The following CCDC148 variants were observed in gnomAD, a reference collection of about 807,000 sequenced individuals.
CCDC148 encodes the protein coiled-coil domain-containing protein 148.
A neutral mutation model predicts 85.7 loss-of-function variants in CCDC148; 89 were observed. That is an observed-to-expected ratio of 1.04 (90% CI 0.87 to 1.24). CCDC148 has a LOEUF of 1.24. Among genes scored for constraint, CCDC148 ranks in the 50% most tolerant of loss-of-function variants. The pLI is 0.00. For missense variants in CCDC148, 692 were observed against 671.7 expected (o/e 1.03, Z -0.33); for synonymous variants, 230 against 213.9 (o/e 1.08, Z -0.66).
chr2:158,331,021 T>C (rs1198173238), intron 7 of CCDC148, among the ~76,000 whole-genome samples: 4 of 152,222 alleles, frequency 2.6e-5, no homozygotes, highest in Non-Finnish European at 4.4e-5. Context: ...AGTTCTGCTC[T>C]GATTTTCGTT....
intron 11 of CCDC148, among the ~76,000 whole-genome samples, chr2:158,204,195 G>A (rs1161963850): frequency 6.6e-6 from 1 of 152,168 alleles, no homozygotes; most frequent in Non-Finnish European, 1.5e-5. Flanking sequence ...GAGTTTACTG[G>A]AGAAGATAAA....
chr2:158,342,964 C>T (rs1388903367), intron 3 of CCDC148, among the ~76,000 whole-genome samples: 1 of 152,116 alleles, frequency 6.6e-6, no homozygotes, highest in Non-Finnish European at 1.5e-5. Flanking sequence ...GTCTAGTTTT[C>T]TTAGTACAGA....
At chr2:158,315,530 G>C (rs1225909548) in intron 7 of CCDC148, among the ~76,000 whole-genome samples, 5 of 152,014 alleles carry the variant, frequency 3.3e-5, no homozygotes, top group Non-Finnish European at 7.4e-5. Flanking sequence ...TATAAATGTG[G>C]ATGTATGGGT....
intron 2 of CCDC148, among the ~76,000 whole-genome samples, chr2:158,357,331 C>T (rs984465671): frequency 1.3e-5 from 2 of 151,438 alleles, no homozygotes; most frequent in African/African-American, 4.9e-5. Flanking sequence ...ACTATTGTAT[C>T]TTCAAGGCAA....
chr2:158,315,636 G>T (rs1692243603), intron 7 of CCDC148, among the ~76,000 whole-genome samples: 1 of 151,798 alleles, frequency 6.6e-6, no homozygotes, highest in Non-Finnish European at 1.5e-5. Flanking sequence ...GGATACTGTT[G>T]GTACCACACC....
At chr2:158,269,652 T>C (rs946933338) in intron 9 of CCDC148, among the ~76,000 whole-genome samples, 1 of 152,190 alleles carries the variant, frequency 6.6e-6, no homozygotes, top group Non-Finnish European at 1.5e-5. Context: ...ACATTCTCTG[T>C]GGCTCCTCAC....
At chr2:158,365,500 T>C (rs1196912412) in intron 1 of CCDC148, among the ~76,000 whole-genome samples, 1 of 152,172 alleles carries the variant, frequency 6.6e-6, no homozygotes, top group African/African-American at 2.4e-5. Flanking sequence ...GTTCATGTCC[T>C]TTGCAGGGAC....
At position 158,340,651 on chromosome 2, in the gene CCDC148, A is replaced by G. The variant is rs781465006; in HGVS notation, c.281T>C (p.Leu94Pro). The change falls in exon 4 of 14, where the codon CTT becomes CCT. Residue 94 changes from leucine to proline, a missense_variant. Leu to Pro is a moderately conservative substitution (Grantham distance 98, BLOSUM62 -3). Transcript: ENST00000283233. Reference protein sequence around the residue: ...RCKMESEIKSLLNEENIGNEC... With the variant: ...RCKMESEIKSPLNEENIGNEC... ...ATTTCCAATGTTCTCTTCATTGAGA[A>G]GGGATTTTATTTCAGATTCCATTTT... 6.3e-7 allele frequency: 1 copy of G among 1,586,596 alleles called. No individual in the cohort carries two copies. Among genetic ancestry groups the G allele is most frequent in the Non-Finnish European group, 8.6e-7 (1 of 1,162,580 alleles).
chr2:158,297,301 A>G (rs1485942257), intron 9 of CCDC148, among the ~76,000 whole-genome samples: 1 of 152,140 alleles, frequency 6.6e-6, no homozygotes, highest in Non-Finnish European at 1.5e-5. Context: ...TACCCCCTAA[A>G]TGACGTCAGA....
Position 158,196,816 on chromosome 2 carries a change from T to C in CCDC148, c.1371-17820A>G, listed in dbSNP as rs1469371436. On this transcript the variant is annotated intron_variant, in intron 11 of 13. Coordinates refer to ENST00000283233, the MANE Select transcript of CCDC148 (RefSeq NM_138803.4). ...CTGCACTTGTGTGTCTATGTGTTTATATCTGTGTGTTTATGTGTTCATATC... is the reference window on the plus strand; with the variant it reads ...CTGCACTTGTGTGTCTATGTGTTTACATCTGTGTGTTTATGTGTTCATATC... Among the ~76,000 whole-genome samples, 3 of 150,468 alleles carry C rather than the reference T, an allele frequency of 2.0e-5. No homozygotes were observed. In the East Asian group the frequency reaches 5.8e-4, roughly 29 times the overall value.
intron 9 of CCDC148, among the ~76,000 whole-genome samples, chr2:158,297,551 A>C (rs1195594609): frequency 6.6e-6 from 1 of 152,162 alleles, no homozygotes; most frequent in Non-Finnish European, 1.5e-5. Flanking sequence ...AGCCAGCAAG[A>C]AAGCAGTCAA....
At chr2:158,412,335 G>C (rs192429997) in intron 1 of CCDC148, among the ~76,000 whole-genome samples, 4 of 152,224 alleles carry the variant, frequency 2.6e-5, no homozygotes, top group Non-Finnish European at 1.5e-5. Context: ...ATTTTCATCC[G>C]TGGATAGTAA....
rs180824206 is a variant in CCDC148, at chr2:158,354,992, A to C, written c.147+3457T>G. 4.6e-3 allele frequency among the ~76,000 whole-genome samples: 708 copies of C among 152,272 alleles called. 1 individual carries two copies. The highest frequency in any genetic ancestry group is 0.016 in the African/African-American group (646 of 41,540). The stretch of plus-strand genomic sequence containing the variant: ...AAGACAAAAACCACATCATTATCTC[A>C]ATAGATGCAGAAAAAGCCTGTGACA... On this transcript the variant is annotated intron_variant, in intron 2 of 13. Coordinates refer to ENST00000283233, the MANE Select transcript of CCDC148 (RefSeq NM_138803.4).
chr2:158,211,087 C>A (rs117725524), intron 11 of CCDC148, among the ~76,000 whole-genome samples: 1 of 151,618 alleles, frequency 6.6e-6, no homozygotes, highest in Non-Finnish European at 1.5e-5. Flanking sequence ...CTAATGTAGA[C>A]GGTGGGTTGA....
At chr2:158,445,440 T>G (rs907435986) in intron 1 of CCDC148, among the ~76,000 whole-genome samples, 1 of 152,222 alleles carries the variant, frequency 6.6e-6, no homozygotes, top group Non-Finnish European at 1.5e-5. Flanking sequence ...TAATGATCAC[T>G]GTCTCTGATA....
At chr2:158,259,085 CA>C (rs1267585647) in intron 9 of CCDC148, among the ~76,000 whole-genome samples, 3 of 151,600 alleles carry the variant, frequency 2.0e-5, no homozygotes. Flanking sequence ...TTGCACATGC[CA>C]TTTTTTTTTC....
chr2:158,217,542 A>G (rs1686951405), intron 11 of CCDC148, among the ~76,000 whole-genome samples: 1 of 151,892 alleles, frequency 6.6e-6, no homozygotes, highest in African/African-American at 2.4e-5. Context: ...AGCTGGGTCT[A>G]CAGGCACCCG....
intron 1 of CCDC148, among the ~76,000 whole-genome samples, chr2:158,453,428 C>T (rs958689369): frequency 4.6e-5 from 7 of 152,130 alleles, no homozygotes; most frequent in Admixed American, 1.3e-4. Context: ...GCCACCTGAG[C>T]GGAACTATTA....
chr2:158,344,600 T>A (rs546634664), intron 3 of CCDC148, among the ~76,000 whole-genome samples: 71 of 152,240 alleles, frequency 4.7e-4, no homozygotes, highest in Non-Finnish European at 9.0e-4. Context: ...TGCCTTGACC[T>A]TTGAAAAAAC....
Sources: gnomAD v4.1 joint callset for allele counts (sites outside exome capture counted in the v4.1 genomes callset) on GRCh38, gnomAD v4.1.1 for gene constraint, MANE v1.5 for transcripts, NCBI Gene and HGNC (gene_info 2026-07-23, HGNC 2026-07-21) for gene names.